The following SLC35F3 variants were observed in gnomAD, a reference collection of about 807,000 sequenced individuals.
SLC35F3 encodes solute carrier family 35 member F3, also known as putative thiamine transporter SLC35F3.
A neutral mutation model predicts 49.9 loss-of-function variants in SLC35F3; 25 were observed. That is an observed-to-expected ratio of 0.50 (90% CI 0.37 to 0.70). The LOEUF (loss-of-function observed/expected upper bound fraction) is 0.70, where lower values mean the gene tolerates loss of function less well. SLC35F3 is among the 30% of genes least tolerant of loss of function. The pLI, the probability that SLC35F3 is intolerant of heterozygous loss-of-function variation, is 0.00. For missense variants in SLC35F3, 525 were observed against 639.8 expected (o/e 0.82, Z 1.94); for synonymous variants, 275 against 265.4 (o/e 1.04, Z -0.35).
At chr1:233,906,767 A>T (rs1337237398) in intron 2 of SLC35F3, among the ~76,000 whole-genome samples, 2 of 152,340 alleles carry the variant, frequency 1.3e-5, no homozygotes, top group East Asian at 3.9e-4. Context: ...CTAAAAAAAA[A>T]TGTCTATCTT....
chr1:234,088,663 A>G (rs2102876120), intron 2 of SLC35F3, among the ~76,000 whole-genome samples: 1 of 152,346 alleles, frequency 6.6e-6, no homozygotes, highest in African/African-American at 2.4e-5. Flanking sequence ...GTGTTTTGCC[A>G]TATTTTGTAT....
chr1:234,089,819 A>G (rs1665014196), intron 2 of SLC35F3, among the ~76,000 whole-genome samples: 1 of 152,082 alleles, frequency 6.6e-6, no homozygotes, highest in South Asian at 2.1e-4. Flanking sequence ...AGAAAGTGAG[A>G]GAGAAGTGGC....
At chr1:233,915,269 C>T (rs1253016627) in intron 2 of SLC35F3, among the ~76,000 whole-genome samples, 1 of 152,120 alleles carries the variant, frequency 6.6e-6, no homozygotes, top group Non-Finnish European at 1.5e-5. Flanking sequence ...CAGGTCTATC[C>T]TCAAAGTTTT....
chr1:234,220,065 T>C (rs1667179739), intron 2 of SLC35F3, among the ~76,000 whole-genome samples: 1 of 152,070 alleles, frequency 6.6e-6, no homozygotes, highest in Non-Finnish European at 1.5e-5. Context: ...AACGCTGGAC[T>C]CGGAAGACAG....
intron 2 of SLC35F3, among the ~76,000 whole-genome samples, chr1:233,926,039 A>G (rs1382541835): frequency 2.0e-5 from 3 of 152,080 alleles, no homozygotes; most frequent in Admixed American, 6.6e-5. Flanking sequence ...TGGGTAACCC[A>G]ACCTTTCTCT....
intron 2 of SLC35F3, among the ~76,000 whole-genome samples, chr1:234,020,890 A>G (rs558959015): frequency 1.3e-5 from 2 of 152,298 alleles, no homozygotes; most frequent in African/African-American, 4.8e-5. Context: ...TAAAGATACT[A>G]TTTAGCAAAT....
chr1:233,970,153 TATG>T (rs1349788876), intron 2 of SLC35F3, among the ~76,000 whole-genome samples: 6 of 152,178 alleles, frequency 3.9e-5, no homozygotes, highest in African/African-American at 1.4e-4. Context: ...GACCCAGCCT[TATG>T]GTGACACCTG....
At position 234,273,539 on chromosome 1, in the gene SLC35F3, T is replaced by G. The variant is rs367588864; in HGVS notation, c.609-35562T>G. Among the ~76,000 whole-genome samples, 4 of 152,372 alleles carry G rather than the reference T, an allele frequency of 2.6e-5. No homozygotes were observed. In the South Asian group the frequency reaches 6.2e-4, roughly 24 times the overall value. ...ACATCCTGCTATCACAAAATAATAC[T>G]CCATCTTTCAGGATCGTGAAAATTT... On this transcript the variant is annotated intron_variant, in intron 3 of 7. Coordinates refer to ENST00000366618, the MANE Select transcript of SLC35F3 (RefSeq NM_173508.4).
chr1:234,088,647 C>A (rs563602360), intron 2 of SLC35F3, among the ~76,000 whole-genome samples: 6 of 152,196 alleles, frequency 3.9e-5, no homozygotes, highest in Non-Finnish European at 7.3e-5. Context: ...TTTAAGCATG[C>A]ATTTTGTGTT....
At chr1:233,912,743 G>A (rs1012495504) in intron 2 of SLC35F3, among the ~76,000 whole-genome samples, 1 of 152,164 alleles carries the variant, frequency 6.6e-6, no homozygotes, top group African/African-American at 2.4e-5. Flanking sequence ...GGGATGAAGT[G>A]GGAAGGTTCA....
At chr1:233,929,283 C>T (rs1054665196) in intron 2 of SLC35F3, among the ~76,000 whole-genome samples, 1 of 152,184 alleles carries the variant, frequency 6.6e-6, no homozygotes, top group Non-Finnish European at 1.5e-5. Flanking sequence ...ACCAACATTA[C>T]CTTTTATGTT....
chr1:234,081,558 G>A (rs1664875563), intron 2 of SLC35F3, among the ~76,000 whole-genome samples: 1 of 152,116 alleles, frequency 6.6e-6, no homozygotes, highest in Non-Finnish European at 1.5e-5. Context: ...TATAACCACA[G>A]AGCCCTGTCT....
At chr1:234,263,901 G>A (rs532174692) in intron 3 of SLC35F3, among the ~76,000 whole-genome samples, 8 of 152,302 alleles carry the variant, frequency 5.3e-5, no homozygotes, top group African/African-American at 1.9e-4. Context: ...CTGAGGTCAG[G>A]AGTTCGAGAC....
chr1:234,066,264 AG>A (rs1336978286), intron 2 of SLC35F3, among the ~76,000 whole-genome samples: 2 of 152,054 alleles, frequency 1.3e-5, no homozygotes, highest in African/African-American at 2.4e-5. Context: ...AAGTCAGGTG[AG>A]GTCCCTCCTC....
At chr1:233,987,642 G>T (rs538926203) in intron 2 of SLC35F3, among the ~76,000 whole-genome samples, 1 of 152,140 alleles carries the variant, frequency 6.6e-6, no homozygotes, top group East Asian at 1.9e-4. Context: ...CTATCTGGTG[G>T]AATCTCTCAG....
intron 3 of SLC35F3, among the ~76,000 whole-genome samples, chr1:234,250,352 A>G (rs1326689751): frequency 6.6e-6 from 1 of 152,232 alleles, no homozygotes; most frequent in Admixed American, 6.5e-5. Context: ...TGGGTCACTT[A>G]CAAAGAAAAG....
intron 2 of SLC35F3, among the ~76,000 whole-genome samples, chr1:234,083,495 A>C (rs1664913418): frequency 6.6e-6 from 1 of 152,160 alleles, no homozygotes; most frequent in African/African-American, 2.4e-5. Flanking sequence ...CATCATACAC[A>C]ATCTCTGCAC....
intron 2 of SLC35F3, among the ~76,000 whole-genome samples, chr1:234,171,638 G>A (rs1207025023): frequency 6.6e-6 from 1 of 152,162 alleles, no homozygotes; most frequent in South Asian, 2.1e-4. Flanking sequence ...GGGACACTGT[G>A]GTTCTCAACA....
At chr1:234,068,005 G>A (rs1458978959) in intron 2 of SLC35F3, among the ~76,000 whole-genome samples, 2 of 152,130 alleles carry the variant, frequency 1.3e-5, no homozygotes, top group Non-Finnish European at 2.9e-5. Context: ...TTCTGGGCTT[G>A]GTTTCAGGTA....
Sources: allele counts gnomAD v4.1 joint callset (sites outside exome capture counted in the v4.1 genomes callset), GRCh38; gene constraint gnomAD v4.1.1; transcripts MANE v1.5; gene names NCBI Gene and HGNC (gene_info 2026-07-23, HGNC 2026-07-21).